Variants in GDA observed in about 807,000 individuals in gnomAD.
GDA encodes guanine deaminase.
Under a neutral mutation model 59.6 loss-of-function variants are expected in GDA, and 18 were observed. The ratio of observed to expected loss-of-function variants is 0.30; its 90% CI spans 0.21 to 0.45. The LOEUF is 0.45. Among genes scored for constraint, GDA ranks in the 20% least tolerant of loss-of-function variants. GDA has a pLI of 1.00. For synonymous variants in GDA, 201 were observed against 201.1 expected (o/e 1.00, Z 0.00); for missense variants, 427 against 552.3 (o/e 0.77, Z 2.27).
At chr9:72,230,792 A>G (rs1458197719) in intron 9 of GDA, among the ~76,000 whole-genome samples, 1 of 152,202 alleles carries the variant, frequency 6.6e-6, no homozygotes, top group Non-Finnish European at 1.5e-5. Context: ...AAAATATTAA[A>G]GACAGATAAA....
At position 72,212,737 on chromosome 9, in the gene GDA, T is replaced by C. The variant is rs186772572; in HGVS notation, c.473-1149T>C. 5.3e-5 allele frequency among the ~76,000 whole-genome samples: 8 copies of C among 152,028 alleles called. 1 individual carries two copies. Among genetic ancestry groups the C allele is most frequent in the Admixed American group, 3.9e-4 (6 of 15,272 alleles). ...CTGTGTTTTGTCTAGAAGAGGACCA[T>C]GATAGAGAGAGGGAGAGAGAGAGAT... On this transcript the variant is annotated intron_variant, in intron 4 of 13. Coordinates refer to ENST00000358399, the MANE Select transcript of GDA (RefSeq NM_004293.5).
At chr9:72,257,358 C>T (rs1258121986), downstream of GDA, 1 of 152,158 alleles carries the variant, frequency 6.6e-6, no homozygotes, top group African/African-American at 2.4e-5. Context: ...CACTGCAAAT[C>T]AAAGAGCCCA....
rs547402873 is a variant in GDA at position 72,143,702 on chromosome 9, A to G, written c.-100+28869A>G. Reference sequence around the variant, plus strand: ...ATGCATTTCTCCAAACTTAATTGCTATTCTAAAAAGAAGAGGTAGCTTTCC... The same window carrying G: ...ATGCATTTCTCCAAACTTAATTGCTGTTCTAAAAAGAAGAGGTAGCTTTCC... On this transcript the variant is annotated intron_variant, in intron 1 of 13. Transcript: ENST00000545168. 2.8e-4 allele frequency among the ~76,000 whole-genome samples: 43 copies of G among 152,282 alleles called. No homozygotes were observed. The South Asian group carries it at 8.5e-3, about 30-fold the overall frequency.
At position 72,185,207 on chromosome 9, in the gene GDA, A is replaced by C. The variant is rs144252556; in HGVS notation, c.124-10293A>C. 2.3e-3 allele frequency among the ~76,000 whole-genome samples: 345 copies of C among 152,336 alleles called. 2 individuals carry two copies. Among genetic ancestry groups the C allele is most frequent in the African/African-American group, 8.0e-3 (334 of 41,588 alleles). ...TAAAATATTTACTGTCTCACCCTTT[A>C]GGGAAACTGTGCTGATCCTTGGTTT... is the stretch of plus-strand genomic sequence containing the variant. On this transcript the variant is annotated intron_variant, in intron 1 of 13. Coordinates refer to ENST00000358399, the MANE Select transcript of GDA (RefSeq NM_004293.5).
Position 72,139,060 on chromosome 9 carries a change from T to C in GDA, c.-100+24227T>C, listed in dbSNP as rs549312392. Among the ~76,000 whole-genome samples, 73 of 152,308 alleles carry C rather than the reference T, an allele frequency of 4.8e-4. 1 individual carries two copies. Among genetic ancestry groups the C allele is most frequent in the Middle Eastern group, 6.8e-3 (2 of 294 alleles). On this transcript the variant is annotated intron_variant, in intron 1 of 13. Coordinates refer to the GDA transcript ENST00000545168. Reference sequence around the variant, plus strand: ...TCATCCTAACACATCTAAGAATATCTAAAAATATGGACAAGGCATGGGCTG... The same window carrying C: ...TCATCCTAACACATCTAAGAATATCCAAAAATATGGACAAGGCATGGGCTG...
At chr9:72,242,588 A>C (rs1334435719) in intron 11 of GDA, among the ~76,000 whole-genome samples, 1 of 152,224 alleles carries the variant, frequency 6.6e-6, no homozygotes, top group Non-Finnish European at 1.5e-5. Flanking sequence ...TGGGAAGAGA[A>C]ACTTCTCAGA....
chr9:72,124,596 G>A (rs1825781718), intron 1 of GDA, among the ~76,000 whole-genome samples: 1 of 152,092 alleles, frequency 6.6e-6, no homozygotes, highest in Non-Finnish European at 1.5e-5. Flanking sequence ...CTAGATGTTG[G>A]CACCTGTCAA....
chr9:72,161,293 A>G (rs930221428), intron 1 of GDA, among the ~76,000 whole-genome samples: 5 of 152,216 alleles, frequency 3.3e-5, no homozygotes, highest in African/African-American at 1.2e-4. Context: ...AGGCAGGTTC[A>G]CAACTTTATC....
At chr9:72,153,708 CA>C (rs1416736904) in intron 1 of GDA, among the ~76,000 whole-genome samples, 2 of 150,266 alleles carry the variant, frequency 1.3e-5, no homozygotes, top group Non-Finnish European at 3.0e-5. Context: ...GAAACTGTCG[CA>C]AGGACAAAAA....
chr9:72,122,634 TAC>T lies in GDA; in HGVS notation c.-100+7831_-100+7832del, dbSNP rs112045510. On this transcript the variant is annotated intron_variant, in intron 1 of 13. Transcript: ENST00000545168. ...TGCTTTTGGAAAAAATGTATACATT[TAC>T]ACACACACACACACACACACACACA... is the stretch of plus-strand genomic sequence containing the variant. Among the ~76,000 whole-genome samples the T allele has an allele frequency of 7.4e-3, 1,087 of 147,408 alleles. 10 individuals carry two copies. The highest frequency in any genetic ancestry group is 0.041 in the South Asian group (190 of 4,628).
At position 72,177,945 on chromosome 9, in the gene GDA, T is replaced by C. The variant is rs1168399182; in HGVS notation, c.124-17555T>C. Among the ~76,000 whole-genome samples, 19 of 152,248 alleles carry C rather than the reference T, an allele frequency of 1.2e-4. 1 individual carries two copies. Among genetic ancestry groups the C allele is most frequent in the Non-Finnish European group, 1.5e-5 (1 of 68,036 alleles). On this transcript the variant is annotated intron_variant, in intron 1 of 13. Coordinates refer to ENST00000358399, the MANE Select transcript of GDA (RefSeq NM_004293.5). Reference sequence around the variant, plus strand: ...GCTGTATAATTACATTTAGGTCCGATTCCCACCTCGCTACTCTGTTGTCAC... The same window carrying C: ...GCTGTATAATTACATTTAGGTCCGACTCCCACCTCGCTACTCTGTTGTCAC...
intron 11 of GDA, among the ~76,000 whole-genome samples, chr9:72,243,933 T>C (rs994266827): frequency 1.3e-5 from 2 of 152,156 alleles, no homozygotes; most frequent in African/African-American, 4.8e-5. Context: ...CCCAGCACTT[T>C]GGGAGTCCGA....
At chr9:72,198,813 A>ATAGG (rs1421213132) in intron 2 of GDA, among the ~76,000 whole-genome samples, 1 of 149,556 alleles carries the variant, frequency 6.7e-6, no homozygotes, top group African/African-American at 2.5e-5. Flanking sequence ...TGGTGAAAAG[A>ATAGG]TAGGTGGATG....
chr9:72,241,337 C>T, intron 11 of GDA, 39 bp downstream of exon 11: 1 of 1,461,990 alleles, frequency 6.8e-7, no homozygotes. Flanking sequence ...CAATATACAA[C>T]CATGCTGATC....
chr9:72,206,858 T>C (rs79018118), intron 3 of GDA, among the ~76,000 whole-genome samples: 2,797 of 152,262 alleles, frequency 0.018, 75 homozygotes, highest in African/African-American at 0.063. Flanking sequence ...TTCATTTTTG[T>C]TGGAATATAT....
At chr9:72,207,566 CAT>C (rs1475764815) in intron 3 of GDA, among the ~76,000 whole-genome samples, 1 of 152,176 alleles carries the variant, frequency 6.6e-6, no homozygotes, top group African/African-American at 2.4e-5. Context: ...TCCTAGAACC[CAT>C]ACACTTTTCT....
chr9:72,186,826 T>C (rs75168991), intron 1 of GDA, among the ~76,000 whole-genome samples: 85 of 152,296 alleles, frequency 5.6e-4, no homozygotes, highest in African/African-American at 1.9e-3. Context: ...TACCAAGTCC[T>C]ACCAACCACT....
chr9:72,140,404 C>G (rs891502057), intron 1 of GDA, among the ~76,000 whole-genome samples: 2 of 151,998 alleles, frequency 1.3e-5, no homozygotes, highest in African/African-American at 4.8e-5. Flanking sequence ...GGAAAGAGGG[C>G]AGAGAGAGAA....
chr9:72,248,304 G>A lies in GDA; in HGVS notation c.1327G>A (p.Gly443Ser). The stretch of plus-strand genomic sequence containing the variant: ...TCGAAATATTGAAGAGGTTTATGTG[G>A]GCGGAAAGCAGGTGGTTCCGTTTTC... ...DDRNIEEVYV[G>S]GKQVVPFSSS... The change falls in exon 14 of 14, where the codon GGC (glycine) becomes AGC (serine). Residue 443 changes from glycine (G) to serine (S), a missense_variant. By Grantham distance (56) the Gly-to-Ser change is moderately conservative. Coordinates refer to ENST00000358399, the MANE Select transcript of GDA (RefSeq NM_004293.5). The A allele has an allele frequency of 6.2e-7, 1 of 1,613,334 alleles. No individual in the cohort carries two copies. The highest frequency in any genetic ancestry group is 8.5e-7 in the Non-Finnish European group (1 of 1,179,342).
Sources: allele counts gnomAD v4.1 joint callset (sites outside exome capture counted in the v4.1 genomes callset), GRCh38; gene constraint gnomAD v4.1.1; transcripts MANE v1.5; gene names NCBI Gene and HGNC (gene_info 2026-07-23, HGNC 2026-07-21).